TNFSF15: variants seen among roughly 807,000 people sequenced by gnomAD.
TNFSF15 encodes TNF superfamily member 15, also known as tumor necrosis factor ligand superfamily member 15.
Under a neutral mutation model 26.4 loss-of-function variants are expected in TNFSF15, and 15 were observed. The ratio of observed to expected loss-of-function variants is 0.57; its 90% confidence interval spans 0.38 to 0.87. The LOEUF (loss-of-function observed/expected upper bound fraction) is 0.87, where lower values mean the gene tolerates loss of function less well. TNFSF15 is among the 40% of genes least tolerant of loss of function. TNFSF15 has a pLI of 0.00. For synonymous variants in TNFSF15, 116 were observed against 115.0 expected (o/e 1.01, Z -0.06); for missense variants, 290 against 306.1 (o/e 0.95, Z 0.39).
At chr9:114,800,222 A>G (rs552765434) in intron 1 of TNFSF15, among the ~76,000 whole-genome samples, 21 of 152,284 alleles carry the variant, frequency 1.4e-4, no homozygotes, top group Middle Eastern at 6.8e-3. Flanking sequence ...CCATAGTGCT[A>G]TATAGAAAGC....
At chr9:114,805,615 C>T (rs1373533947) in intron 1 of TNFSF15, among the ~76,000 whole-genome samples, 188 bp downstream of exon 1, 1 of 152,166 alleles carries the variant, frequency 6.6e-6, no homozygotes, top group Non-Finnish European at 1.5e-5. Flanking sequence ...TGTTCATTCC[C>T]TAGAAATATT....
intron 1 of TNFSF15, among the ~76,000 whole-genome samples, chr9:114,802,745 G>A (rs1045013069): frequency 2.0e-5 from 3 of 152,076 alleles, no homozygotes; most frequent in African/African-American, 7.2e-5. Context: ...CTCAGTAACT[G>A]GTATAGTTGT....
chr9:114,785,723 G>A lies in TNFSF15; in HGVS notation c.*4729C>T, dbSNP rs1293756297. 2 of 152,144 alleles carry A rather than the reference G, an allele frequency of 1.3e-5. No individual in the cohort carries two copies. The highest frequency in any genetic ancestry group is 1.3e-4 in the Admixed American group (2 of 15,272). 9.4% of individuals were successfully genotyped at this position (152,144 alleles called of 1,614,324 possible). A position where few individuals can be genotyped will look rare whatever the true frequency, so the allele number is the denominator to read the frequency against. On this transcript the variant is annotated 3_prime_UTR_variant, in exon 4 of 4. Transcript: ENST00000374045. ...TCTGTAGCCCTAGCTCTCTTCTCTG[G>A]GGAGCTACAGTAGAAGTCTCCTCCC...
chr9:114,796,224 C>T (rs977439738), intron 1 of TNFSF15, among the ~76,000 whole-genome samples: 3 of 152,140 alleles, frequency 2.0e-5, no homozygotes, highest in Non-Finnish European at 4.4e-5. Context: ...TTTCATCAGC[C>T]CCTGGCAGGG....
At chr9:114,799,776 T>G (rs1829717592) in intron 1 of TNFSF15, among the ~76,000 whole-genome samples, 1 of 152,084 alleles carries the variant, frequency 6.6e-6, no homozygotes, top group Non-Finnish European at 1.5e-5. Flanking sequence ...GGTGGTTGAG[T>G]GGATTCTGCC....
intron 1 of TNFSF15, among the ~76,000 whole-genome samples, chr9:114,799,106 G>A (rs1447053032): frequency 6.6e-6 from 1 of 152,174 alleles, no homozygotes; most frequent in Non-Finnish European, 1.5e-5. Flanking sequence ...CATCCTCCAA[G>A]GTGCCCTGGA....
rs1183666376 is a variant in TNFSF15, at chr9:114,792,222, TGTACACACACAC to T, written c.301+173_301+184del. The T allele has an allele frequency of 1.7e-5, 10 of 602,790 alleles. No individual in the cohort carries two copies. In the African/African-American group the frequency reaches 1.7e-4, roughly 10 times the overall value. 37.3% of individuals were successfully genotyped at this position (602,790 alleles called of 1,614,324 possible). A position where few individuals can be genotyped will look rare whatever the true frequency, so the allele number is the denominator to read the frequency against. On this transcript the variant is annotated intron_variant, in intron 3 of 3. Transcript: ENST00000374045. ...GTGTGTGTGTGTATATACATATGTG[TGTACACACACAC>T]ACACACACACACACACACACACACA...
intron 3 of TNFSF15, 184 bp downstream of exon 3, chr9:114,792,223 G>A (rs998852794): frequency 3.0e-4 from 172 of 567,144 alleles, no homozygotes; most frequent in South Asian, 8.2e-4. Context: ...ACATATGTGT[G>A]TACACACACA....
At chr9:114,797,355 C>T (rs889681640) in intron 1 of TNFSF15, among the ~76,000 whole-genome samples, 1 of 152,142 alleles carries the variant, frequency 6.6e-6, no homozygotes, top group South Asian at 2.1e-4. Flanking sequence ...GGTGACCAAG[C>T]CTGTTGGCAG....
intron 1 of TNFSF15, among the ~76,000 whole-genome samples, chr9:114,800,624 G>T (rs1050446793): frequency 2.6e-5 from 4 of 152,108 alleles, no homozygotes; most frequent in African/African-American, 9.7e-5. Context: ...GATAATAATA[G>T]TAGTTTCCTC....
intron 1 of TNFSF15, among the ~76,000 whole-genome samples, chr9:114,805,014 G>C (rs1829799125): frequency 6.6e-6 from 1 of 152,128 alleles, no homozygotes; most frequent in South Asian, 2.1e-4. Context: ...GTACATCTTT[G>C]TTGTTCCCAG....
At chr9:114,796,377 A>G (rs1030924714) in intron 1 of TNFSF15, among the ~76,000 whole-genome samples, 6 of 152,220 alleles carry the variant, frequency 3.9e-5, no homozygotes, top group African/African-American at 1.4e-4. Flanking sequence ...GACCCAGTCC[A>G]ATCTCATTTT....
At position 114,806,033 on chromosome 9, in the gene TNFSF15, C is replaced by T; in HGVS notation, c.-21G>A. On this transcript the variant is annotated 5_prime_UTR_variant, in exon 1 of 4. Coordinates refer to ENST00000374045, the MANE Select transcript of TNFSF15 (RefSeq NM_005118.4). ...GCCATGCTCCTGCTGCTCCTGGAGGCACCTCTGACTCCTGGGCAGAGAGAG... is the reference window on the plus strand; with the variant it reads ...GCCATGCTCCTGCTGCTCCTGGAGGTACCTCTGACTCCTGGGCAGAGAGAG... 6.2e-7 allele frequency: 1 copy of T among 1,610,598 alleles called. No individual in the cohort carries two copies. Among genetic ancestry groups the T allele is most frequent in the Non-Finnish European group, 8.5e-7 (1 of 1,177,888 alleles).
At chr9:114,801,738 C>A (rs1829751579) in intron 1 of TNFSF15, among the ~76,000 whole-genome samples, 1 of 152,144 alleles carries the variant, frequency 6.6e-6, no homozygotes. Context: ...AACTTTCAAC[C>A]CTAAACTCTT....
At chr9:114,802,042 T>C (rs1461318136) in intron 1 of TNFSF15, among the ~76,000 whole-genome samples, 1 of 152,196 alleles carries the variant, frequency 6.6e-6, no homozygotes, top group Non-Finnish European at 1.5e-5. Flanking sequence ...TTAACGCACT[T>C]TGCTTTTTTT....
chr9:114,801,312 T>G (rs1445536759), intron 1 of TNFSF15, among the ~76,000 whole-genome samples: 1 of 152,116 alleles, frequency 6.6e-6, no homozygotes, highest in African/African-American at 2.4e-5. Context: ...GAAGATACTG[T>G]AGGGCCCAAA....
chr9:114,793,166 A>G (rs1369720209), intron 2 of TNFSF15, among the ~76,000 whole-genome samples: 2 of 152,226 alleles, frequency 1.3e-5, no homozygotes, highest in Non-Finnish European at 2.9e-5. Context: ...TAACTCCTTT[A>G]TAGGAATTAA....
At chr9:114,803,026 C>A (rs555333633) in intron 1 of TNFSF15, among the ~76,000 whole-genome samples, 2 of 152,140 alleles carry the variant, frequency 1.3e-5, no homozygotes, top group Non-Finnish European at 2.9e-5. Flanking sequence ...CAATGACCTG[C>A]GATCATCTGA....
intron 1 of TNFSF15, among the ~76,000 whole-genome samples, chr9:114,795,086 G>A (rs1248384630): frequency 6.6e-6 from 1 of 151,896 alleles, no homozygotes; most frequent in Non-Finnish European, 1.5e-5. Context: ...CAAAGTGATG[G>A]ATACCCCAAA....
Sources: allele counts gnomAD v4.1 joint callset (sites outside exome capture counted in the v4.1 genomes callset), GRCh38; gene constraint gnomAD v4.1.1; transcripts MANE v1.5; gene names NCBI Gene and HGNC (gene_info 2026-07-23, HGNC 2026-07-21).